The following RWDD3 variants were observed in gnomAD, a reference collection of about 807,000 sequenced individuals.
RWDD3 encodes RWD domain-containing protein 3.
A neutral mutation model predicts 26.5 loss-of-function variants in RWDD3; 30 were observed. The observed-to-expected ratio is 1.13, with a 90% confidence interval of 0.85 to 1.54. The LOEUF (loss-of-function observed/expected upper bound fraction) is 1.54. Ranked by LOEUF, RWDD3 falls within the 40% of genes most tolerant of loss-of-function variation. The probability of loss-of-function intolerance (pLI) is 0.00; values close to 1 mark genes in which losing one functional copy is unlikely to be tolerated. For missense variants in RWDD3, 296 were observed against 309.1 expected (o/e 0.96, Z 0.32); for synonymous variants, 113 against 114.5 (o/e 0.99, Z 0.09).
intron 1 of RWDD3, among the ~76,000 whole-genome samples, chr1:95,235,060 T>TA (rs1187573963): frequency 6.6e-6 from 1 of 150,688 alleles, no homozygotes; most frequent in Non-Finnish European, 1.5e-5. Context: ...TATTTTTTAT[T>TA]TTTTAAGACG....
chr1:95,241,816 G>A (rs993293556), intron 1 of RWDD3, among the ~76,000 whole-genome samples: 2 of 152,120 alleles, frequency 1.3e-5, no homozygotes, highest in African/African-American at 4.8e-5. Flanking sequence ...AATGACAAGG[G>A]TCATGAGTAA....
At chr1:95,235,579 C>A (rs1481103090) in intron 1 of RWDD3, among the ~76,000 whole-genome samples, 1 of 151,552 alleles carries the variant, frequency 6.6e-6, no homozygotes, top group East Asian at 1.9e-4. Context: ...AGGCTGGTCT[C>A]AATCTCCTGA....
At chr1:95,236,992 C>T (rs1311825630) in intron 1 of RWDD3, among the ~76,000 whole-genome samples, 1 of 152,098 alleles carries the variant, frequency 6.6e-6, no homozygotes, top group African/African-American at 2.4e-5. Flanking sequence ...CAAGCCATGC[C>T]TCCTAATTAG....
chr1:95,246,909 T>C lies in RWDD3; in HGVS notation c.*39T>C, dbSNP rs752537308. ...AATCTTTTAGTAAAATAGCAGTGTT[T>C]TTTGTTGTTTTTGCATTGGATTTGG... On this transcript the variant is annotated 3_prime_UTR_variant, in exon 4 of 4. Coordinates refer to ENST00000370202, the MANE Select transcript of RWDD3 (RefSeq NM_015485.5). 2 of 1,238,876 alleles carry C rather than the reference T, an allele frequency of 1.6e-6. No individual in the cohort carries two copies. 76.7% of individuals were successfully genotyped at this position (1,238,876 alleles called of 1,614,324 possible). A position where few individuals can be genotyped will look rare whatever the true frequency, so the allele number is the denominator to read the frequency against.
chr1:95,234,900 C>CTT (rs575848316), intron 1 of RWDD3, among the ~76,000 whole-genome samples: 87 of 146,116 alleles, frequency 6.0e-4, no homozygotes, highest in African/African-American at 1.9e-3. Flanking sequence ...TTTTCTGATA[C>CTT]TTTTTTTTTT....
intron 1 of RWDD3, among the ~76,000 whole-genome samples, chr1:95,243,004 T>G (rs189359208): frequency 1.8e-4 from 27 of 152,320 alleles, no homozygotes; most frequent in Admixed American, 1.8e-3. Context: ...AAAGTTAGAT[T>G]TGGAAAATTC....
intron 1 of RWDD3, chr1:95,237,308 A>G (rs970778422): frequency 1.3e-5 from 2 of 152,120 alleles, no homozygotes; most frequent in South Asian, 2.1e-4. Flanking sequence ...ATACCAGAAC[A>G]CTCTAAACAC....
Position 95,247,185 on chromosome 1 carries a change from C to T in RWDD3, c.*315C>T, listed in dbSNP as rs1680882404. 1.2e-5 allele frequency: 2 copies of T among 171,630 alleles called. No individual in the cohort carries two copies. The highest frequency in any genetic ancestry group is 1.3e-4 in the Admixed American group (2 of 15,930). The allele number at this position is 171,630 out of a possible 1,614,324, so 10.6% of individuals were successfully genotyped here. Reference sequence around the variant, plus strand: ...TATTTGTTTGAAACTATGTAATTTTCTGGCTAATTTTCTTGTAATTAAATG... The same window carrying T: ...TATTTGTTTGAAACTATGTAATTTTTTGGCTAATTTTCTTGTAATTAAATG... On this transcript the variant is annotated 3_prime_UTR_variant, in exon 4 of 4. Coordinates refer to ENST00000370202, the MANE Select transcript of RWDD3 (RefSeq NM_015485.5).
chr1:95,239,487 A>G (rs1680513291), intron 1 of RWDD3, among the ~76,000 whole-genome samples: 1 of 152,188 alleles, frequency 6.6e-6, no homozygotes, highest in African/African-American at 2.4e-5. Flanking sequence ...TTTTAAAAGT[A>G]TGTAATTTTA....
intron 1 of RWDD3, chr1:95,237,391 A>C (rs114178049): frequency 2.2e-4 from 34 of 152,394 alleles, no homozygotes; most frequent in African/African-American, 7.9e-4. Flanking sequence ...TTGCAGAGGA[A>C]TTGCATTCCT....
chr1:95,245,826 C>G (rs905217201), intron 2 of RWDD3, among the ~76,000 whole-genome samples: 3 of 152,066 alleles, frequency 2.0e-5, no homozygotes, highest in African/African-American at 7.2e-5. Flanking sequence ...TAGGCTAAAC[C>G]CAGCTGTTTT....
In RWDD3 at chr1:95,247,191, A is replaced by G. The variant is rs574358345; in HGVS notation, c.*321A>G. 16 of 168,598 alleles carry G rather than the reference A, an allele frequency of 9.5e-5. No individual in the cohort carries two copies. In the East Asian group the frequency reaches 2.6e-3, roughly 27 times the overall value. The allele number at this position is 168,598 out of a possible 1,614,324, so 10.4% of individuals were successfully genotyped here. A position where few individuals can be genotyped will look rare whatever the true frequency, so the allele number is the denominator to read the frequency against. On this transcript the variant is annotated 3_prime_UTR_variant, in exon 4 of 4. Transcript: ENST00000370202. ...TTTGAAACTATGTAATTTTCTGGCT[A>G]ATTTTCTTGTAATTAAATGATTTTT...
intron 1 of RWDD3, among the ~76,000 whole-genome samples, chr1:95,242,814 G>A (rs527293813): frequency 2.0e-5 from 3 of 152,218 alleles, no homozygotes; most frequent in Non-Finnish European, 2.9e-5. Context: ...AGCTACTCGG[G>A]AGGCTGAGGC....
At chr1:95,245,772 T>G (rs1680828334) in intron 2 of RWDD3, among the ~76,000 whole-genome samples, 1 of 152,178 alleles carries the variant, frequency 6.6e-6, no homozygotes, top group Admixed American at 6.5e-5. Flanking sequence ...TGCTCATCTT[T>G]ACCTGAAAGA....
intron 1 of RWDD3, among the ~76,000 whole-genome samples, chr1:95,236,456 T>G (rs1390676460): frequency 6.6e-6 from 1 of 152,204 alleles, no homozygotes; most frequent in African/African-American, 2.4e-5. Context: ...TGACTTCCAT[T>G]TATTCCTTCT....
rs1278949952 is a variant in RWDD3, at chr1:95,244,639, C to T, written c.514C>T (p.Leu172=). Residue 172 remains leucine, a synonymous_variant, in exon 2 of 4, where the codon CTG becomes TTG. Transcript: ENST00000370202. ...WASDLRLTGR[L]MFMGKIILIL... is the part of the protein sequence containing the mutation. ...TTCAGATTTAAGGCTGACAGGAAGA[C>T]TGATGTTCATGGGTAAAATAATACT... 2 of 1,614,122 alleles carry T rather than the reference C, an allele frequency of 1.2e-6. No individual in the cohort carries two copies. Among genetic ancestry groups the T allele is most frequent in the Non-Finnish European group, 1.7e-6 (2 of 1,180,008 alleles).
chr1:95,238,316 C>G (rs537161159), intron 1 of RWDD3, among the ~76,000 whole-genome samples: 1 of 152,104 alleles, frequency 6.6e-6, no homozygotes, highest in Non-Finnish European at 1.5e-5. Flanking sequence ...ACACATTGAC[C>G]CCTCTAAATC....
intron 1 of RWDD3, among the ~76,000 whole-genome samples, chr1:95,240,303 G>A (rs762368394): frequency 2.0e-5 from 3 of 152,148 alleles, no homozygotes; most frequent in Non-Finnish European, 4.4e-5. Context: ...CTGTATGACT[G>A]TACAATTTAA....
intron 1 of RWDD3, among the ~76,000 whole-genome samples, chr1:95,239,473 G>C (rs1488680108): frequency 1.3e-5 from 2 of 152,178 alleles, no homozygotes; most frequent in African/African-American, 4.8e-5. Flanking sequence ...GGGAGAAAAT[G>C]AGTTTTTAAA....
Sources: allele counts gnomAD v4.1 joint callset (sites outside exome capture counted in the v4.1 genomes callset), GRCh38; gene constraint gnomAD v4.1.1; transcripts MANE v1.5; gene names NCBI Gene and HGNC (gene_info 2026-07-23, HGNC 2026-07-21).